ASPSCR1: variants seen among roughly 807,000 people sequenced by gnomAD.
ASPSCR1 encodes ASPSCR1 tether for SLC2A4, UBX domain containing, also known as tether containing UBX domain for GLUT4.
In ASPSCR1, 55 loss-of-function variants were observed where a neutral mutation model predicts 68.9. The ratio of observed to expected loss-of-function variants is 0.80; its 90% CI spans 0.64 to 1.00. ASPSCR1 has a LOEUF of 1.00. Ranked by LOEUF, ASPSCR1 falls within the 50% of genes least tolerant of loss-of-function variation. ASPSCR1 has a pLI of 0.00. For synonymous variants in ASPSCR1, 352 were observed against 332.6 expected (o/e 1.06, Z -0.63); for missense variants, 765 against 762.2 (o/e 1.00, Z -0.04).
At chr17:82,008,168 G>A (rs895297592) in intron 7 of ASPSCR1, 4 of 152,922 alleles carry the variant, frequency 2.6e-5, no homozygotes, top group African/African-American at 7.2e-5. Flanking sequence ...GTCACCCAGT[G>A]TGGGCATGGT....
intron 2 of ASPSCR1, among the ~76,000 whole-genome samples, chr17:81,979,884 G>A (rs1328963883): frequency 2.0e-5 from 3 of 152,244 alleles, no homozygotes; most frequent in Admixed American, 2.0e-4. Flanking sequence ...AGGAGTCTGA[G>A]ACAGCAGAAG....
At chr17:81,992,707 T>G (rs1234262727) in intron 4 of ASPSCR1, among the ~76,000 whole-genome samples, 2 of 152,218 alleles carry the variant, frequency 1.3e-5, no homozygotes, top group Non-Finnish European at 2.9e-5. Flanking sequence ...CGGCGCATTT[T>G]GAGGCCTTGT....
intron 4 of ASPSCR1, among the ~76,000 whole-genome samples, chr17:81,991,613 C>G (rs766497380): frequency 6.6e-6 from 1 of 152,224 alleles, no homozygotes; most frequent in Non-Finnish European, 1.5e-5. Context: ...CCATCCCTGT[C>G]CATCCTTGTC....
At chr17:81,989,793 G>T (rs1051590938) in intron 4 of ASPSCR1, among the ~76,000 whole-genome samples, 4 of 152,132 alleles carry the variant, frequency 2.6e-5, no homozygotes, top group African/African-American at 4.8e-5. Context: ...GCCACACGTC[G>T]GCCATGGAGG....
intron 7 of ASPSCR1, chr17:82,006,818 T>A (rs765374414): frequency 2.0e-5 from 3 of 152,330 alleles, no homozygotes; most frequent in Non-Finnish European, 4.4e-5. Flanking sequence ...GGAGCGGCGC[T>A]GATGCCACAA....
intron 7 of ASPSCR1, among the ~76,000 whole-genome samples, chr17:82,001,425 C>T (rs1308592389): frequency 6.6e-6 from 1 of 152,174 alleles, no homozygotes; most frequent in Non-Finnish European, 1.5e-5. Flanking sequence ...CAACCCTGGG[C>T]TCTGAGGCTG....
chr17:82,013,603 C>T (rs1200685826), intron 12 of ASPSCR1: 1 of 152,216 alleles, frequency 6.6e-6, no homozygotes, highest in Admixed American at 6.5e-5. Context: ...CAGAGCCCCA[C>T]TCCGGCTGCC....
At chr17:81,981,075 G>C (rs1038317070) in intron 2 of ASPSCR1, among the ~76,000 whole-genome samples, 1 of 152,206 alleles carries the variant, frequency 6.6e-6, no homozygotes, top group African/African-American at 2.4e-5. Flanking sequence ...CGAAAACCCT[G>C]ACTGTGCCAG....
In ASPSCR1 at chr17:82,009,534, G is replaced by T. The variant is rs191808455; in HGVS notation, c.1137G>T (p.Ala379=). 4 of 1,586,442 alleles carry T rather than the reference G, an allele frequency of 2.5e-6. No individual in the cohort carries two copies. The highest frequency in any genetic ancestry group is 3.4e-6 in the Non-Finnish European group (4 of 1,166,674). ...APLVTKAFRE[A]QIKEKLERYP... is the part of the protein sequence containing the mutation. ...TGGTGACCAAGGCCTTCAGGGAGGCGCAGATAAAGGAGAAGCTGGAGCGCT... is the reference window on the plus strand; with the variant it reads ...TGGTGACCAAGGCCTTCAGGGAGGCTCAGATAAAGGAGAAGCTGGAGCGCT... Residue 379 remains alanine, a synonymous_variant, in exon 9 of 16, where the codon GCG becomes GCT. Coordinates refer to ENST00000306739, the MANE Select transcript of ASPSCR1 (RefSeq NM_024083.4).
intron 12 of ASPSCR1, chr17:82,015,579 T>A (rs2144106116): frequency 1.6e-6 from 1 of 625,784 alleles, no homozygotes; most frequent in Non-Finnish European, 2.7e-6. Flanking sequence ...GGGAGCCCTC[T>A]CGCCCGGCAG....
chr17:82,001,995 T>C (rs1345236301), intron 7 of ASPSCR1, among the ~76,000 whole-genome samples: 2 of 148,658 alleles, frequency 1.3e-5, no homozygotes, highest in East Asian at 3.9e-4. Context: ...CTTTTTTTTT[T>C]CTTTTTCCTT....
At position 81,996,889 on chromosome 17, in the gene ASPSCR1, T is replaced by C. The variant is rs2042363912; in HGVS notation, c.933+43T>C. On this transcript the variant is annotated intron_variant, in intron 7 of 15. Coordinates refer to ENST00000306739, the MANE Select transcript of ASPSCR1 (RefSeq NM_024083.4). Reference sequence around the variant, plus strand: ...CCTTGGGACTTGGGGGTGTCCTTTCTCCTGATGTGTAGCCCTGCGTGGCTT... The same window carrying C: ...CCTTGGGACTTGGGGGTGTCCTTTCCCCTGATGTGTAGCCCTGCGTGGCTT... The C allele has an allele frequency of 3.3e-6, 5 of 1,535,136 alleles. No individual in the cohort carries two copies. In the East Asian group the frequency reaches 1.1e-4, roughly 35 times the overall value.
rs555255509 is a variant in ASPSCR1 at position 82,012,238 on chromosome 17, C to T, written c.1308C>T (p.Thr436=). 8 of 1,613,610 alleles carry T rather than the reference C, an allele frequency of 5.0e-6. No individual in the cohort carries two copies. Among genetic ancestry groups the T allele is most frequent in the East Asian group, 2.2e-5 (1 of 44,872 alleles). ...GGTGCCTTCTCTCCTCAGTCATCAC[C>T]CCTCCAAAAACAGTCCTGGACGACC... The part of the protein sequence containing the change: ...NPELSFYLFI[T]PPKTVLDDHT... Residue 436 remains threonine (T), a synonymous_variant, in exon 12 of 16, where the codon ACC becomes ACT. Coordinates refer to ENST00000306739, the MANE Select transcript of ASPSCR1 (RefSeq NM_024083.4).
At chr17:82,015,722 C>T (rs941668250) in intron 12 of ASPSCR1, 4 of 304,982 alleles carry the variant, frequency 1.3e-5, no homozygotes, top group African/African-American at 4.3e-5. Flanking sequence ...GGAGCATGCT[C>T]TCCATCTGGG....
chr17:82,011,543 TG>T lies in ASPSCR1; in HGVS notation c.1243del (p.Asp415ThrfsTer6). 1 of 1,581,164 alleles carries T rather than the reference TG, an allele frequency of 6.3e-7. No homozygotes were observed. The highest frequency in any genetic ancestry group is 8.5e-7 in the Non-Finnish European group (1 of 1,169,646). ...TGTATGTTCTTTTTCTCCTCTGCAGTGGGGGACTTGCGAGACTTCGTGAGGA... is the reference window on the plus strand; with the variant it reads ...TGTATGTTCTTTTTCTCCTCTGCAGTGGGGACTTGCGAGACTTCGTGAGGA... ...LQGFFRPSET[V>X]GDLRDFVRSH... is the part of the protein sequence containing the mutation. On this transcript the variant is annotated frameshift_variant and splice_region_variant, in exon 11 of 16. Transcript: ENST00000306739. LOFTEE classifies it high-confidence loss of function.
chr17:81,982,822 C>G (rs2041839517), intron 2 of ASPSCR1: 2 of 121,614 alleles, frequency 1.6e-5, no homozygotes, highest in African/African-American at 6.5e-5. Flanking sequence ...CTTTCCTTTC[C>G]TTTTTTCTTT....
Position 82,012,245 on chromosome 17 carries a change from A to C in ASPSCR1, c.1315A>C (p.Lys439Gln), listed in dbSNP as rs1190587343. ...TCTCTCCTCAGTCATCACCCCTCCAAAAACAGTCCTGGACGACCACACGCA... is the reference window on the plus strand; with the variant it reads ...TCTCTCCTCAGTCATCACCCCTCCACAAACAGTCCTGGACGACCACACGCA... ...LSFYLFITPP[K>Q]TVLDDHTQTL... The change falls in exon 12 of 16, where the codon AAA becomes CAA. Residue 439 changes from lysine to glutamine, a missense_variant. Coordinates refer to ENST00000306739, the MANE Select transcript of ASPSCR1 (RefSeq NM_024083.4). 2.5e-6 allele frequency: 4 copies of C among 1,613,450 alleles called. No individual in the cohort carries two copies. The Admixed American group carries it at 5.0e-5, about 20-fold the overall frequency.
rs751639894 is a variant in ASPSCR1, at chr17:81,994,841, G to A, written c.395G>A (p.Gly132Asp). 4 of 1,613,394 alleles carry A rather than the reference G, an allele frequency of 2.5e-6. No homozygotes were observed. The highest frequency in any genetic ancestry group is 2.2e-5 in the South Asian group (2 of 91,058). ...PQIRECLQHP[G>D]GATPVCVYTR... Reference sequence around the variant, plus strand: ...CCCAGGGAGTGCCTGCAGCACCCCGGCGGGGCCACCCCAGTCTGCGTGTAC... The same window carrying A: ...CCCAGGGAGTGCCTGCAGCACCCCGACGGGGCCACCCCAGTCTGCGTGTAC... Residue 132 changes from glycine to aspartate, a missense_variant, in exon 5 of 16, where the codon GGC becomes GAC. Transcript: ENST00000306739.
chr17:82,012,232 C>G lies in ASPSCR1; in HGVS notation c.1302C>G (p.Phe434Leu). ...LGNPELSFYL[F>L]ITPPKTVLDD... ...CACGTAGGTGCCTTCTCTCCTCAGTCATCACCCCTCCAAAAACAGTCCTGG... is the reference window on the plus strand; with the variant it reads ...CACGTAGGTGCCTTCTCTCCTCAGTGATCACCCCTCCAAAAACAGTCCTGG... Residue 434 changes from phenylalanine (F) to leucine (L), a missense_variant and splice_region_variant, in exon 12 of 16, where the codon TTC becomes TTG. Physicochemically the swap from Phe to Leu is conservative, Grantham distance 22. Transcript: ENST00000306739. The G allele has an allele frequency of 6.2e-7, 1 of 1,613,586 alleles. No homozygotes were observed. Among genetic ancestry groups the G allele is most frequent in the Non-Finnish European group, 8.5e-7 (1 of 1,179,872 alleles).
Sources: allele counts gnomAD v4.1 joint callset (sites outside exome capture counted in the v4.1 genomes callset), GRCh38; gene constraint gnomAD v4.1.1; transcripts MANE v1.5; gene names NCBI Gene and HGNC (gene_info 2026-07-23, HGNC 2026-07-21).